Variants in RIMS1 observed in about 807,000 individuals in gnomAD.
RIMS1 encodes the protein regulating synaptic membrane exocytosis 1, also known as regulating synaptic membrane exocytosis protein 1.
A neutral mutation model predicts 214.1 loss-of-function variants in RIMS1; 83 were observed. The observed-to-expected ratio is 0.39, with a 90% CI of 0.32 to 0.47. The LOEUF is 0.47. RIMS1 is among the 20% of genes least tolerant of loss of function. The probability of loss-of-function intolerance (pLI) is 0.99; values close to 1 mark genes in which losing one functional copy is unlikely to be tolerated. For missense variants in RIMS1, 2,050 were observed against 2,161.8 expected (o/e 0.95, Z 1.03); for synonymous variants, 793 against 786.8 (o/e 1.01, Z -0.13).
intron 2 of RIMS1, among the ~76,000 whole-genome samples, chr6:72,034,773 A>G (rs576358923): frequency 9.2e-5 from 14 of 152,256 alleles, no homozygotes; most frequent in Non-Finnish European, 1.9e-4. Context: ...AGGTTAATAA[A>G]CTGAGACGGA....
At chr6:72,397,904 T>C (rs1173344511) in intron 31 of RIMS1, among the ~76,000 whole-genome samples, 1 of 152,098 alleles carries the variant, frequency 6.6e-6, no homozygotes, top group Non-Finnish European at 1.5e-5. Flanking sequence ...ATAATGAAAA[T>C]ACATATGGTT....
chr6:72,168,812 C>G (rs1413255733), intron 4 of RIMS1, among the ~76,000 whole-genome samples: 4 of 142,724 alleles, frequency 2.8e-5, no homozygotes, highest in Admixed American at 7.3e-5. Flanking sequence ...CAGTTAACAA[C>G]TTTGCCTGAC....
chr6:72,351,831 C>T (rs1448995029), intron 29 of RIMS1, among the ~76,000 whole-genome samples: 1 of 152,066 alleles, frequency 6.6e-6, no homozygotes, highest in African/African-American at 2.4e-5. Flanking sequence ...CATTTTTTTA[C>T]AAGGAGAAAA....
intron 2 of RIMS1, among the ~76,000 whole-genome samples, chr6:72,081,274 CAA>C (rs1353139270): frequency 6.6e-6 from 1 of 152,102 alleles, no homozygotes; most frequent in Non-Finnish European, 1.5e-5. Flanking sequence ...TGAAGTATAG[CAA>C]AGTGTTTTCA....
chr6:72,213,196 C>G lies in RIMS1; in HGVS notation c.1679-20577C>G, dbSNP rs774470679. The G allele has an allele frequency of 3.8e-5, 59 of 1,536,292 alleles. No homozygotes were observed. The African/African-American group carries it at 5.8e-4, about 15-fold the overall frequency. Reference sequence around the variant, plus strand: ...AGGTCTGTTGATTCCGAAGAGGGAACAATTGAAGCTCGACGAGCAGTTGCT... The same window carrying G: ...AGGTCTGTTGATTCCGAAGAGGGAAGAATTGAAGCTCGACGAGCAGTTGCT... On this transcript the variant is annotated intron_variant, in intron 6 of 33. Coordinates refer to ENST00000521978, the MANE Select transcript of RIMS1 (RefSeq NM_014989.7).
chr6:72,121,565 G>T (rs190708914), intron 4 of RIMS1, among the ~76,000 whole-genome samples: 33 of 151,888 alleles, frequency 2.2e-4, no homozygotes, highest in Middle Eastern at 3.4e-3. Flanking sequence ...GTGACAATGG[G>T]GTTTTCTGAG....
chr6:72,289,920 C>A (rs2154247591), intron 24 of RIMS1, among the ~76,000 whole-genome samples: 1 of 152,018 alleles, frequency 6.6e-6, no homozygotes, highest in South Asian at 2.1e-4. Flanking sequence ...ATAAGTACAT[C>A]TATATAAACA....
chr6:72,209,227 C>A (rs1224815664), intron 6 of RIMS1, among the ~76,000 whole-genome samples: 1 of 152,178 alleles, frequency 6.6e-6, no homozygotes, highest in African/African-American at 2.4e-5. Flanking sequence ...GCGTCAAATA[C>A]TTTGAATCTT....
intron 4 of RIMS1, among the ~76,000 whole-genome samples, chr6:72,153,026 GTA>G (rs893015578): frequency 1.9e-5 from 2 of 106,400 alleles, no homozygotes; most frequent in African/African-American, 3.5e-5. Context: ...ATGTGTGTGT[GTA>G]TATATGTGTG....
intron 6 of RIMS1, chr6:72,216,953 G>C: frequency 1.5e-6 from 2 of 1,351,212 alleles, no homozygotes; most frequent in East Asian, 3.0e-5. Flanking sequence ...TCACTGCAGA[G>C]ATCTGTTTTG....
intron 1 of RIMS1, among the ~76,000 whole-genome samples, chr6:71,917,893 C>T (rs2150708511): frequency 6.6e-6 from 1 of 152,210 alleles, no homozygotes; most frequent in African/African-American, 2.4e-5. Flanking sequence ...GATGTTTCCA[C>T]TTTGGGGCCT....
intron 1 of RIMS1, among the ~76,000 whole-genome samples, chr6:71,937,696 A>G (rs1377399332): frequency 1.3e-5 from 2 of 152,298 alleles, no homozygotes; most frequent in South Asian, 4.2e-4. Flanking sequence ...TCCTGTGATA[A>G]TGGCATCAGT....
intron 6 of RIMS1, among the ~76,000 whole-genome samples, chr6:72,195,538 A>G (rs1013676747): frequency 6.6e-6 from 1 of 150,622 alleles, no homozygotes; most frequent in Non-Finnish European, 1.5e-5. Flanking sequence ...GATTGTGGCA[A>G]TATGAATAAT....
At position 72,274,352 on chromosome 6, in the gene RIMS1, T is replaced by C. The variant is rs142667387; in HGVS notation, c.3402T>C (p.Gly1134=). ...GTCTTGTTCACTGGGCAAACAGGGG[T>C]AGATGGTCCCCCTCCCTAGATAGGA... The part of the protein sequence containing the change: ...TSLHSPERER[G]RWSPSLDRRR... The change falls in exon 23 of 34, where the codon GGT becomes GGC. Residue 1134 remains glycine (G), a synonymous_variant. Transcript: ENST00000521978. 1.9e-6 allele frequency: 3 copies of C among 1,609,200 alleles called. No homozygotes were observed. The highest frequency in any genetic ancestry group is 2.6e-6 in the Non-Finnish European group (3 of 1,176,360).
At chr6:71,957,980 C>T (rs1791791495) in intron 1 of RIMS1, among the ~76,000 whole-genome samples, 2 of 152,010 alleles carry the variant, frequency 1.3e-5, no homozygotes, top group African/African-American at 4.8e-5. Flanking sequence ...AATGCTATGG[C>T]AACTTATACA....
At chr6:72,389,926 C>T (rs2098675365) in intron 29 of RIMS1, among the ~76,000 whole-genome samples, 1 of 152,072 alleles carries the variant, frequency 6.6e-6, no homozygotes, top group South Asian at 2.1e-4. Context: ...AGGTGTACAC[C>T]CCAAACTGCC....
chr6:72,209,664 G>T (rs1251681251), intron 6 of RIMS1, among the ~76,000 whole-genome samples: 1 of 152,120 alleles, frequency 6.6e-6, no homozygotes, highest in Non-Finnish European at 1.5e-5. Flanking sequence ...CACTTTGGAA[G>T]GCCAAGGCGG....
chr6:72,242,270 CAG>C, intron 9 of RIMS1, 42 bp from the exon 10 acceptor site: 1 of 1,377,812 alleles, frequency 7.3e-7, no homozygotes, highest in East Asian at 2.5e-5. Flanking sequence ...GAAAAATAAA[CAG>C]AATATATAAG....
At chr6:72,335,834 CT>C (rs1231425241) in intron 29 of RIMS1, among the ~76,000 whole-genome samples, 1 of 151,666 alleles carries the variant, frequency 6.6e-6, no homozygotes, top group Non-Finnish European at 1.5e-5. Flanking sequence ...TGATGATGAG[CT>C]TTTTTTTCAT....
Sources: allele counts gnomAD v4.1 joint callset (sites outside exome capture counted in the v4.1 genomes callset), GRCh38; gene constraint gnomAD v4.1.1; transcripts MANE v1.5; gene names NCBI Gene and HGNC (gene_info 2026-07-23, HGNC 2026-07-21).